PSMD11: variants seen among roughly 807,000 people sequenced by gnomAD.
PSMD11 encodes proteasome 26S subunit, non-ATPase 11, also known as 26S proteasome non-ATPase regulatory subunit 11.
A neutral mutation model predicts 62.3 loss-of-function variants in PSMD11; 5 were observed. The observed-to-expected ratio is 0.08, with a 90% confidence interval of 0.04 to 0.17. The LOEUF is 0.17. PSMD11 is among the 10% of genes least tolerant of loss of function. PSMD11 has a pLI of 1.00. For synonymous variants in PSMD11, 191 were observed against 191.8 expected (o/e 1.00, Z 0.03); for missense variants, 310 against 512.9 (o/e 0.60, Z 3.82).
At chr17:32,467,832 G>A (rs1908042261) in intron 5 of PSMD11, among the ~76,000 whole-genome samples, 2 of 152,020 alleles carry the variant, frequency 1.3e-5, no homozygotes, top group South Asian at 4.1e-4. Context: ...TTGTTTTAAT[G>A]TCGGGTACAT....
chr17:32,472,122 C>A (rs1485491954), intron 6 of PSMD11, among the ~76,000 whole-genome samples: 1 of 152,130 alleles, frequency 6.6e-6, no homozygotes, highest in Non-Finnish European at 1.5e-5. Flanking sequence ...CCTGCCTTGG[C>A]CTCCCAAAGT....
intron 7 of PSMD11, among the ~76,000 whole-genome samples, chr17:32,474,435 A>G (rs1368546142): frequency 6.6e-6 from 1 of 152,234 alleles, no homozygotes; most frequent in East Asian, 1.9e-4. Flanking sequence ...GGATCTTTGG[A>G]TTACATAAGG....
chr17:32,460,482 C>G (rs113769319), intron 3 of PSMD11, among the ~76,000 whole-genome samples: 1 of 152,080 alleles, frequency 6.6e-6, no homozygotes, highest in African/African-American at 2.4e-5. Flanking sequence ...AACTATAAGA[C>G]AGATATATCT....
chr17:32,452,152 G>T (rs1202334189), intron 2 of PSMD11, among the ~76,000 whole-genome samples: 2 of 152,184 alleles, frequency 1.3e-5, no homozygotes, highest in African/African-American at 2.4e-5. Flanking sequence ...CATTGTGTGT[G>T]ACTGGCTGAG....
At chr17:32,469,811 T>C (rs1327211847) in intron 6 of PSMD11, among the ~76,000 whole-genome samples, 4 of 152,148 alleles carry the variant, frequency 2.6e-5, no homozygotes, top group Admixed American at 6.5e-5. Context: ...TAATGCCTAC[T>C]CGACTCATCT....
intron 5 of PSMD11, among the ~76,000 whole-genome samples, chr17:32,467,980 T>C (rs1908046277): frequency 1.3e-5 from 2 of 152,186 alleles, no homozygotes; most frequent in African/African-American, 4.8e-5. Context: ...TAGGCCTTAG[T>C]GTGTGGTGTT....
intron 2 of PSMD11, among the ~76,000 whole-genome samples, chr17:32,448,951 A>G (rs1015955099): frequency 6.6e-6 from 1 of 152,186 alleles, no homozygotes; most frequent in Non-Finnish European, 1.5e-5. Flanking sequence ...TTTTCATCTT[A>G]GGCTGACTTC....
At chr17:32,467,625 A>G (rs1050726561) in intron 5 of PSMD11, among the ~76,000 whole-genome samples, 1 of 151,990 alleles carries the variant, frequency 6.6e-6, no homozygotes, top group Non-Finnish European at 1.5e-5. Flanking sequence ...TTTATTTTTT[A>G]GAAACAGGGT....
At chr17:32,460,656 C>G (rs1015273250) in intron 3 of PSMD11, among the ~76,000 whole-genome samples, 1 of 151,790 alleles carries the variant, frequency 6.6e-6, no homozygotes, top group African/African-American at 2.4e-5. Flanking sequence ...GCCTGAAGTC[C>G]CAGCTACTGG....
intron 3 of PSMD11, among the ~76,000 whole-genome samples, chr17:32,457,819 G>A (rs1319640025): frequency 7.1e-6 from 1 of 141,008 alleles, no homozygotes; most frequent in African/African-American, 2.7e-5. Context: ...TTTTTTCCCC[G>A]AGATGGAGTC....
At chr17:32,448,573 A>G (rs1597829389) in intron 2 of PSMD11, among the ~76,000 whole-genome samples, 1 of 150,674 alleles carries the variant, frequency 6.6e-6, no homozygotes, top group African/African-American at 2.4e-5. Flanking sequence ...AGGTTTCACC[A>G]TGTTGGTCAG....
chr17:32,479,182 A>C, intron 9 of PSMD11, 69 bp from the exon 10 acceptor site: 1 of 1,576,028 alleles, frequency 6.3e-7, no homozygotes, highest in African/African-American at 1.3e-5. Flanking sequence ...CAGACTATCT[A>C]GGAAGCAGGA....
At chr17:32,448,247 G>C (rs1174477954) in intron 2 of PSMD11, among the ~76,000 whole-genome samples, 3 of 152,052 alleles carry the variant, frequency 2.0e-5, no homozygotes, top group African/African-American at 7.2e-5. Flanking sequence ...GCTGAATAAA[G>C]ATGTATGAAA....
intron 6 of PSMD11, 61 bp from the exon 7 acceptor site, chr17:32,473,740 C>G: frequency 6.3e-7 from 1 of 1,574,842 alleles, no homozygotes; most frequent in Non-Finnish European, 8.7e-7. Flanking sequence ...TGCCTCCCAG[C>G]TCTGATCTTT....
intron 13 of PSMD11, 23 bp from the exon 14 acceptor site, chr17:32,480,730 C>G: frequency 1.5e-6 from 2 of 1,376,288 alleles, no homozygotes; most frequent in Non-Finnish European, 1.0e-6. Flanking sequence ...TCCTGATTGA[C>G]ACTGCTCTGT....
In PSMD11 at chr17:32,479,720, A is replaced by G. The variant is rs77516816; in HGVS notation, c.1039-131A>G. ...CAGATGGGCAGAGAACAAGAGACTT[A>G]AGCACGGCCAAGGAGGGTCTTACAT... On this transcript the variant is annotated intron_variant, in intron 10 of 13. Transcript: ENST00000261712. 5.0e-3 allele frequency: 5,378 copies of G among 1,068,606 alleles called. 24 individuals carry two copies. The highest frequency in any genetic ancestry group is 0.017 in the Middle Eastern group (83 of 4,884). The allele number at this position is 1,068,606 out of a possible 1,614,324, so 66.2% of individuals were successfully genotyped here. A position where few individuals can be genotyped will look rare whatever the true frequency, so the allele number is the denominator to read the frequency against.
chr17:32,448,790 A>G (rs1907404780), intron 2 of PSMD11, among the ~76,000 whole-genome samples: 1 of 152,234 alleles, frequency 6.6e-6, no homozygotes, highest in Non-Finnish European at 1.5e-5. Flanking sequence ...AAAGTTAAAT[A>G]ACTTAACAAA....
Position 32,482,395 on chromosome 17 carries a change from G to C in PSMD11, c.*1643G>C, listed in dbSNP as rs1477328974. ...TTTTTTCAAAAGGTGTCTTTTTCTT[G>C]AGTGCTGGAGGGCTTCCAAGCAAGT... On this transcript the variant is annotated 3_prime_UTR_variant, in exon 14 of 14. Coordinates refer to ENST00000261712, the MANE Select transcript of PSMD11 (RefSeq NM_002815.4). 6.7e-6 allele frequency: 1 copy of C among 150,178 alleles called. No individual in the cohort carries two copies. Among genetic ancestry groups the C allele is most frequent in the Admixed American group, 6.6e-5 (1 of 15,096 alleles). 9.3% of individuals were successfully genotyped at this position (150,178 alleles called of 1,614,324 possible). A position where few individuals can be genotyped will look rare whatever the true frequency, so the allele number is the denominator to read the frequency against.
rs192306684 is a variant in PSMD11 at position 32,474,030 on chromosome 17, G to T, written c.788+85G>T. On this transcript the variant is annotated intron_variant, in intron 7 of 13. Transcript: ENST00000261712. ...ATGGCAGAGATGGCCTGAGCAGGGA[G>T]TTTGGCCAGTTACAGAAACAGCAGC... is the stretch of plus-strand genomic sequence containing the variant. 2.0e-6 allele frequency: 3 copies of T among 1,508,946 alleles called. No homozygotes were observed. The African/African-American group carries it at 4.1e-5, about 21-fold the overall frequency. 93.5% of individuals were successfully genotyped at this position (1,508,946 alleles called of 1,614,324 possible).
Sources: allele counts gnomAD v4.1 joint callset (sites outside exome capture counted in the v4.1 genomes callset), GRCh38; gene constraint gnomAD v4.1.1; transcripts MANE v1.5; gene names NCBI Gene and HGNC (gene_info 2026-07-23, HGNC 2026-07-21).